The following LTV1 variants were observed in gnomAD, a reference collection of about 807,000 sequenced individuals.
The protein encoded by LTV1 is LTV1 ribosome biogenesis factor.
A neutral mutation model predicts 59.9 loss-of-function variants in LTV1; 39 were observed. The observed-to-expected ratio is 0.65, with a 90% CI of 0.50 to 0.85. The LOEUF is 0.85. Ranked by LOEUF, LTV1 falls within the 40% of genes least tolerant of loss-of-function variation. The pLI, the probability that LTV1 is intolerant of heterozygous loss-of-function variation, is 0.00. For synonymous variants in LTV1, 171 were observed against 189.5 expected, an observed-to-expected ratio of 0.90 and a Z score of 0.80; for missense variants, 493 against 549.1, an observed-to-expected ratio of 0.90 and a Z score of 1.02.
intron 2 of LTV1, 43 bp downstream of exon 2, chr6:143,844,660 A>AT: frequency 2.0e-6 from 3 of 1,533,228 alleles, no homozygotes; most frequent in African/African-American, 1.4e-5. Context: ...GGTAGACAAT[A>AT]GTTTTTTTTT....
At chr6:143,846,778 CCT>C (rs1491272309) in intron 3 of LTV1, among the ~76,000 whole-genome samples, 6 of 152,122 alleles carry the variant, frequency 3.9e-5, no homozygotes, top group East Asian at 1.9e-4. Flanking sequence ...TGTTTTCTCC[CCT>C]GTTTATGTTA....
rs1777211504 is a variant in LTV1, at chr6:143,863,538, A to G, written c.*11A>G. 7.5e-6 allele frequency: 12 copies of G among 1,589,558 alleles called. No individual in the cohort carries two copies. The highest frequency in any genetic ancestry group is 1.0e-5 in the Non-Finnish European group (12 of 1,160,504). On this transcript the variant is annotated 3_prime_UTR_variant, in exon 11 of 11. Transcript: ENST00000367576. This position sits in a 1 kb window ranked among gnomAD's most constrained non-coding sequence, Gnocchi z 4.5. ...GGTCTAAAGCTATAGACAGTGGAGC[A>G]TACAGGGCAAGGCACTTTATTAGGG...
In LTV1 at chr6:143,857,158, C is replaced by T. The variant is rs1777090375; in HGVS notation, c.398-145C>T. ...CTTGGAGTGTTCATTCTTTATTCTT[C>T]ACTAGACTGAACTTAGTTCTTAATC... is the stretch of plus-strand genomic sequence containing the variant. On this transcript the variant is annotated intron_variant, in intron 4 of 10. Coordinates refer to ENST00000367576, the MANE Select transcript of LTV1 (RefSeq NM_032860.5). This position sits in a 1 kb window ranked among gnomAD's most constrained non-coding sequence, Gnocchi z 5.2. 1.0e-6 allele frequency: 1 copy of T among 965,330 alleles called. No individual in the cohort carries two copies. Among genetic ancestry groups the T allele is most frequent in the Non-Finnish European group, 1.6e-6 (1 of 642,776 alleles). The allele number at this position is 965,330 out of a possible 1,614,324, so 59.8% of individuals were successfully genotyped here. A position where few individuals can be genotyped will look rare whatever the true frequency, so the allele number is the denominator to read the frequency against.
At chr6:143,856,518 T>G (rs955950955) in intron 4 of LTV1, among the ~76,000 whole-genome samples, 1 of 152,240 alleles carries the variant, frequency 6.6e-6, no homozygotes, top group African/African-American at 2.4e-5. Context: ...AGAGGCATTC[T>G]GGTTTTTGGA....
At position 143,846,169 on chromosome 6, in the gene LTV1, G is replaced by T; in HGVS notation, c.254G>T (p.Ser85Ile). 6.8e-6 allele frequency: 11 copies of T among 1,614,154 alleles called. No individual in the cohort carries two copies. Among genetic ancestry groups the T allele is most frequent in the Non-Finnish European group, 9.3e-6 (11 of 1,180,024 alleles). Residue 85 changes from serine (S) to isoleucine (I), a missense_variant, in exon 3 of 11, where the codon AGT becomes ATT. Coordinates refer to ENST00000367576, the MANE Select transcript of LTV1 (RefSeq NM_032860.5). Reference sequence around the variant, plus strand: ...GGGCCTTCAGAGCTTATTCCCTCAAGTACCTTCAGTGCACACAACAGGAGA... The same window carrying T: ...GGGCCTTCAGAGCTTATTCCCTCAATTACCTTCAGTGCACACAACAGGAGA... ...PSGPSELIPS[S>I]TFSAHNRREE...
chr6:143,849,304 A>G (rs1012579391), intron 3 of LTV1, among the ~76,000 whole-genome samples: 3 of 152,194 alleles, frequency 2.0e-5, no homozygotes, highest in African/African-American at 7.2e-5. Context: ...AAGATTGCCA[A>G]TTCATACAAG....
chr6:143,860,765 A>G (rs1777149455), intron 7 of LTV1, among the ~76,000 whole-genome samples: 1 of 152,204 alleles, frequency 6.6e-6, no homozygotes, highest in Admixed American at 6.5e-5. Flanking sequence ...TGGGTCATGT[A>G]TAGCTCATTG....
chr6:143,859,371 T>C (rs1196067896), intron 6 of LTV1, among the ~76,000 whole-genome samples: 1 of 152,200 alleles, frequency 6.6e-6, no homozygotes, highest in Non-Finnish European at 1.5e-5. Context: ...TTGTGCTTTA[T>C]TATGTATGTT....
At chr6:143,849,599 G>A (rs1168590013) in intron 3 of LTV1, among the ~76,000 whole-genome samples, 4 of 152,142 alleles carry the variant, frequency 2.6e-5, no homozygotes, top group Non-Finnish European at 5.9e-5. Context: ...GTTTATGATG[G>A]AATATACATG....
At chr6:143,848,230 G>A (rs1009238712) in intron 3 of LTV1, among the ~76,000 whole-genome samples, 1 of 151,856 alleles carries the variant, frequency 6.6e-6, no homozygotes, top group Admixed American at 6.6e-5. Flanking sequence ...TATCACAAAG[G>A]TACCTTTTTA....
At chr6:143,850,306 A>G in intron 4 of LTV1, 88 bp downstream of exon 4, 5 of 932,646 alleles carry the variant, frequency 5.4e-6, no homozygotes, top group Non-Finnish European at 8.4e-6. Flanking sequence ...ATCCCCAGTA[A>G]AGTATTGAAA....
At chr6:143,861,827 T>TTTTTTTTTTTTTTTTTTTTTGAGACGG (rs1554235515) in intron 7 of LTV1, among the ~76,000 whole-genome samples, 1 of 151,532 alleles carries the variant, frequency 6.6e-6, no homozygotes, top group South Asian at 2.1e-4. Context: ...TATGCTTTTT[T>TTTTTTTTTTTTTTTTTTTTTGAGACGG]AGGCTTTAAA....
chr6:143,844,738 T>A (rs1776862584), intron 2 of LTV1, 121 bp downstream of exon 2: 3 of 1,018,570 alleles, frequency 2.9e-6, no homozygotes, highest in Non-Finnish European at 1.3e-6. Flanking sequence ...CTCCTGGACT[T>A]AAGCAGTCCT....
In LTV1 at chr6:143,846,239, C is replaced by G; in HGVS notation, c.309+15C>G. On this transcript the variant is annotated intron_variant, in intron 3 of 10. Transcript: ENST00000367576. ...TAGTAATTCCAGTAAGGCTTTTCAG[C>G]AATTTAATTGTGGGAGTGAGGTGAA... 1 of 1,601,768 alleles carries G rather than the reference C, an allele frequency of 6.2e-7. No homozygotes were observed. The highest frequency in any genetic ancestry group is 8.5e-7 in the Non-Finnish European group (1 of 1,173,870).
chr6:143,858,173 A>G, intron 6 of LTV1, 166 bp downstream of exon 6: 1 of 668,988 alleles, frequency 1.5e-6, no homozygotes. Context: ...ATAAAGCAGA[A>G]GGGTATCAGT....
At chr6:143,846,340 G>A (rs2277078) in intron 3 of LTV1, 116 bp downstream of exon 3, 220,249 of 900,720 alleles carry the variant, frequency 0.24, 29,952 homozygotes, top group East Asian at 0.52. Flanking sequence ...GATAGACCAC[G>A]CCTCCACTTA....
At chr6:143,851,368 T>A (rs1413914378) in intron 4 of LTV1, among the ~76,000 whole-genome samples, 6 of 152,172 alleles carry the variant, frequency 3.9e-5, no homozygotes, top group African/African-American at 1.4e-4. Context: ...AGGTAGGTAT[T>A]TATTAAAATC....
At chr6:143,854,357 T>C (rs1024934449) in intron 4 of LTV1, among the ~76,000 whole-genome samples, 2 of 152,226 alleles carry the variant, frequency 1.3e-5, no homozygotes, top group African/African-American at 4.8e-5. Context: ...TTTATTAGTC[T>C]GGCTAGCAGT....
Position 143,863,760 on chromosome 6 carries a change from T to C in LTV1, c.*233T>C. On this transcript the variant is annotated 3_prime_UTR_variant, in exon 11 of 11. Transcript: ENST00000367576. The surrounding 1 kb of genome is among the most constrained non-coding windows in gnomAD (Gnocchi z 4.5). ...TACATTTGCTCTGAAGTAAATGACT[T>C]CATGAATGTGAAATGTTTGATAAAT... 1 of 344,182 alleles carries C rather than the reference T, an allele frequency of 2.9e-6. No homozygotes were observed. Among genetic ancestry groups the C allele is most frequent in the Non-Finnish European group, 5.3e-6 (1 of 189,958 alleles). The allele number at this position is 344,182 out of a possible 1,614,324, so 21.3% of individuals were successfully genotyped here. A position where few individuals can be genotyped will look rare whatever the true frequency, so the allele number is the denominator to read the frequency against.
Sources: gnomAD v4.1 joint callset for allele counts (sites outside exome capture counted in the v4.1 genomes callset) on GRCh38, gnomAD v4.1.1 for gene constraint, Gnocchi (gnomAD v3.1) non-coding constraint, MANE v1.5 for transcripts, NCBI Gene and HGNC (gene_info 2026-07-23, HGNC 2026-07-21) for gene names.